ATP10B: variants seen among roughly 807,000 people sequenced by gnomAD.
ATP10B encodes ATPase phospholipid transporting 10B (putative), also known as phospholipid-transporting ATPase VB.
A neutral mutation model predicts 141.2 loss-of-function variants in ATP10B; 122 were observed. That is an observed-to-expected ratio of 0.86 (90% CI 0.75 to 1.00). The LOEUF is 1.00. Ranked by LOEUF, ATP10B falls within the 50% of genes least tolerant of loss-of-function variation. The probability of loss-of-function intolerance (pLI) is 0.00; values close to 1 mark genes in which losing one functional copy is unlikely to be tolerated. For missense variants in ATP10B, 1,876 were observed against 1,825.3 expected (o/e 1.03, Z -0.51); for synonymous variants, 685 against 692.0 (o/e 0.99, Z 0.16).
Position 160,777,597 on chromosome 5 carries a change from G to A in ATP10B, c.-331+7962C>T, listed in dbSNP as rs138042200. 4.0e-3 allele frequency among the ~76,000 whole-genome samples: 613 copies of A among 152,286 alleles called. 1 individual carries two copies. Among genetic ancestry groups the A allele is most frequent in the Non-Finnish European group, 7.2e-3 (490 of 68,030 alleles). ...GTGAGAATAATCAGAGAATCACACC[G>A]GATGTGTACAGAAGCTGGCTATATG... is the stretch of plus-strand genomic sequence containing the variant. On this transcript the variant is annotated intron_variant, in intron 2 of 25. Transcript: ENST00000327245.
At position 160,814,538 on chromosome 5, in the gene ATP10B, G is replaced by A. The variant is rs572853943; in HGVS notation, c.-575-28735C>T. ...CGTACCTGAAAGTGACGGGGAGAAC[G>A]GACCCAAGTAGGAAAACCCTCTGCA... is the stretch of plus-strand genomic sequence containing the variant. On this transcript the variant is annotated intron_variant, in intron 1 of 25. Transcript: ENST00000327245. 1.8e-4 allele frequency among the ~76,000 whole-genome samples: 26 copies of A among 146,894 alleles called. 1 individual carries two copies. The South Asian group carries it at 2.2e-3, about 12-fold the overall frequency.
chr5:160,590,608 CT>C (rs1756226115), intron 23 of ATP10B, among the ~76,000 whole-genome samples: 1 of 152,172 alleles, frequency 6.6e-6, no homozygotes, highest in Non-Finnish European at 1.5e-5. Context: ...CTTGCTGCCT[CT>C]GAAGGCTAGC....
chr5:160,914,437 G>GTA, the ATP10B span, among the ~76,000 whole-genome samples: 1 of 152,106 alleles, frequency 6.6e-6, no homozygotes, highest in Non-Finnish European at 1.5e-5. Flanking sequence ...AAATAAAATG[G>GTA]TATAGCATTT....
At chr5:160,877,012 G>C in the ATP10B span, among the ~76,000 whole-genome samples, 10 of 151,402 alleles carry the variant, frequency 6.6e-5, no homozygotes, top group Admixed American at 5.3e-4. Context: ...AGAAAAAGAG[G>C]GAATCCTCCC....
intron 1 of ATP10B, among the ~76,000 whole-genome samples, chr5:160,804,528 C>A (rs1275752946): frequency 6.6e-6 from 1 of 152,122 alleles, no homozygotes; most frequent in Non-Finnish European, 1.5e-5. Flanking sequence ...GCTTATGAGC[C>A]CATAGTCATA....
intron 3 of ATP10B, among the ~76,000 whole-genome samples, chr5:160,693,724 T>C (rs541220653): frequency 4.6e-5 from 7 of 152,288 alleles, no homozygotes; most frequent in African/African-American, 1.7e-4. Context: ...CACCTCAGAT[T>C]ATCAGGCATT....
chr5:160,828,346 A>G (rs1196810076), intron 1 of ATP10B, among the ~76,000 whole-genome samples: 1 of 152,038 alleles, frequency 6.6e-6, no homozygotes, highest in African/African-American at 2.4e-5. Context: ...TCTACAATGA[A>G]CTTAAACAAA....
intron 24 of ATP10B, among the ~76,000 whole-genome samples, chr5:160,577,387 T>C (rs1755259695): frequency 1.3e-5 from 2 of 152,088 alleles, no homozygotes; most frequent in African/African-American, 2.4e-5. Context: ...ACCTCATGAC[T>C]CTATCTTATT....
chr5:160,662,045 T>C (rs1761960744), intron 7 of ATP10B, among the ~76,000 whole-genome samples: 2 of 152,158 alleles, frequency 1.3e-5, no homozygotes, highest in Non-Finnish European at 2.9e-5. Context: ...CCATTCACAA[T>C]TGCTTCAAAA....
chr5:160,617,756 T>C lies in ATP10B; in HGVS notation c.2526+108A>G, dbSNP rs558196071. 45 of 990,476 alleles carry C rather than the reference T, an allele frequency of 4.5e-5. No homozygotes were observed. In the South Asian group the frequency reaches 6.6e-4, roughly 14 times the overall value. The allele number at this position is 990,476 out of a possible 1,614,324, so 61.4% of individuals were successfully genotyped here. ...AAGTCAGAACAGCTAATCTTGAAAA[T>C]GTTAAAACAACCACCTCTAAGGGTC... On this transcript the variant is annotated intron_variant, in intron 16 of 25. Coordinates refer to ENST00000327245, the MANE Select transcript of ATP10B (RefSeq NM_025153.3).
chr5:160,671,762 G>C (rs1046402993), intron 6 of ATP10B, among the ~76,000 whole-genome samples: 11 of 152,092 alleles, frequency 7.2e-5, no homozygotes, highest in African/African-American at 2.7e-4. Flanking sequence ...CACAGGAGTA[G>C]ATATTATCAT....
At chr5:160,860,330 G>T in the ATP10B span, among the ~76,000 whole-genome samples, 1 of 151,898 alleles carries the variant, frequency 6.6e-6, no homozygotes, top group African/African-American at 2.4e-5. Flanking sequence ...TACAGAATTA[G>T]AGAATATCTA....
chr5:160,673,458 TATA>T (rs1762842732), intron 6 of ATP10B, among the ~76,000 whole-genome samples: 1 of 152,234 alleles, frequency 6.6e-6, no homozygotes, highest in African/African-American at 2.4e-5. Context: ...TTTAAAAATA[TATA>T]ATTGAATTAT....
the ATP10B span, among the ~76,000 whole-genome samples, chr5:160,894,495 G>C: frequency 6.6e-6 from 1 of 151,966 alleles, no homozygotes; most frequent in South Asian, 2.1e-4. Flanking sequence ...GTGAGGACAA[G>C]ATTAGAGAAA....
rs371879338 is a variant in ATP10B at position 160,724,468 on chromosome 5, C to T, written c.-330-7434G>A. The stretch of plus-strand genomic sequence containing the variant: ...AGTTATTTCTCAACTGCACTCAAAA[C>T]TCTCCATTGGCTTCCTATATGTTTG... On this transcript the variant is annotated intron_variant, in intron 2 of 25. Transcript: ENST00000327245. Among the ~76,000 whole-genome samples the T allele has an allele frequency of 2.0e-4, 30 of 152,258 alleles. No individual in the cohort carries two copies. The South Asian group carries it at 6.2e-3, about 32-fold the overall frequency.
the ATP10B span, among the ~76,000 whole-genome samples, chr5:160,895,101 T>C: frequency 6.6e-6 from 1 of 152,120 alleles, no homozygotes; most frequent in Non-Finnish European, 1.5e-5. Flanking sequence ...TACAAAAATA[T>C]ACCAAATTTT....
intron 2 of ATP10B, among the ~76,000 whole-genome samples, chr5:160,783,549 C>CAT (rs1390664812): frequency 3.2e-4 from 36 of 111,572 alleles, no homozygotes; most frequent in African/African-American, 1.1e-3. Flanking sequence ...ATATATATAT[C>CAT]ATATATATAT....
chr5:160,613,183 C>T (rs10077889), intron 17 of ATP10B, among the ~76,000 whole-genome samples: 142 of 152,298 alleles, frequency 9.3e-4, no homozygotes, highest in African/African-American at 3.2e-3. Context: ...GAGACCTGAA[C>T]TTCACCTGGA....
At chr5:160,915,005 T>C in the ATP10B span, among the ~76,000 whole-genome samples, 1 of 152,278 alleles carries the variant, frequency 6.6e-6, no homozygotes, top group East Asian at 1.9e-4. Context: ...TTTAGGGGCT[T>C]AGAAGTGGGA....
Sources: allele counts gnomAD v4.1 joint callset (sites outside exome capture counted in the v4.1 genomes callset), GRCh38; gene constraint gnomAD v4.1.1; transcripts MANE v1.5; gene names NCBI Gene and HGNC (gene_info 2026-07-23, HGNC 2026-07-21).